Variants in SAXO1 observed in about 807,000 individuals in gnomAD.
SAXO1 encodes 4930500O09Rik.
SAXO1 carries 21 observed loss-of-function variants against 17.5 expected under a neutral mutation model. The ratio of observed to expected loss-of-function variants is 1.20; its 90% CI spans 0.85 to 1.72. The LOEUF is 1.72. Ranked by LOEUF, SAXO1 falls within the 40% of genes most tolerant of loss-of-function variation. The pLI is 0.00. For missense variants in SAXO1, 843 were observed against 596.0 expected (o/e 1.41, Z -4.32); for synonymous variants, 274 against 216.5 (o/e 1.27, Z -2.33).
At chr9:19,002,846 C>T (rs568088345) in intron 1 of SAXO1, among the ~76,000 whole-genome samples, 1 of 152,326 alleles carries the variant, frequency 6.6e-6, no homozygotes, top group East Asian at 1.9e-4. Context: ...GACAAGGATG[C>T]CTTCTCTCAC....
upstream of SAXO1, among the ~76,000 whole-genome samples, chr9:19,036,565 G>A (rs1477288569): frequency 6.6e-6 from 1 of 152,300 alleles, no homozygotes; most frequent in African/African-American, 2.4e-5. Context: ...CCAACATAGA[G>A]CTTGGGCCAT....
intron 1 of SAXO1, among the ~76,000 whole-genome samples, chr9:18,986,057 T>C (rs899789859): frequency 4.6e-5 from 7 of 152,240 alleles, no homozygotes; most frequent in African/African-American, 1.7e-4. Context: ...CACACATGAT[T>C]GCACTTTCAT....
rs574428380 is a variant in SAXO1, at chr9:19,021,986, C to T, written c.38+10885G>A. Among the ~76,000 whole-genome samples, 7 of 152,320 alleles carry T rather than the reference C, an allele frequency of 4.6e-5. No homozygotes were observed. In the South Asian group the frequency reaches 1.0e-3, roughly 23 times the overall value. Reference sequence around the variant, plus strand: ...ACCTGCTCAGCAGTGGCAACTGGGTCGGGTCCCCTTCCCCATTGTGGAAGC... The same window carrying T: ...ACCTGCTCAGCAGTGGCAACTGGGTTGGGTCCCCTTCCCCATTGTGGAAGC... On this transcript the variant is annotated intron_variant, in intron 1 of 3. Transcript: ENST00000380534.
chr9:18,938,828 G>GTGTGTGTGTGTGTGTGTA (rs1831418309), intron 3 of SAXO1, among the ~76,000 whole-genome samples: 1 of 114,034 alleles, frequency 8.8e-6, no homozygotes, highest in African/African-American at 3.4e-5. Flanking sequence ...GTGCGTGTGT[G>GTGTGTGTGTGTGTGTGTA]TGTGTGTGTG....
At chr9:19,044,383 G>A (rs1836151778) in intron 1 of SAXO1, among the ~76,000 whole-genome samples, 1 of 152,110 alleles carries the variant, frequency 6.6e-6, no homozygotes, top group African/African-American at 2.4e-5. Context: ...TTTAGATTAA[G>A]ATCTCTCCTA....
intron 1 of SAXO1, among the ~76,000 whole-genome samples, chr9:19,009,082 C>T (rs928389686): frequency 6.6e-6 from 1 of 152,006 alleles, no homozygotes; most frequent in African/African-American, 2.4e-5. Context: ...TTAATCAGTA[C>T]CCCCACACAG....
chr9:18,984,814 G>T (rs752482187), intron 1 of SAXO1, among the ~76,000 whole-genome samples: 2 of 152,140 alleles, frequency 1.3e-5, no homozygotes, highest in Non-Finnish European at 2.9e-5. Context: ...TTTCTTTCAA[G>T]AACTTTTCCT....
At chr9:18,940,280 G>C (rs1251858343) in intron 3 of SAXO1, among the ~76,000 whole-genome samples, 1 of 152,178 alleles carries the variant, frequency 6.6e-6, no homozygotes, top group African/African-American at 2.4e-5. Flanking sequence ...TTCAGGGTAT[G>C]ATAACATTCA....
rs138851781 is a variant in SAXO1 at position 19,030,699 on chromosome 9, A to C, written c.38+2172T>G. ...ACAGAGTAAGACTCCATCTCAAAAA[A>C]ATAAAAAAAATAAAAAAATAAGAAG... On this transcript the variant is annotated intron_variant, in intron 1 of 3. Transcript: ENST00000380534. Among the ~76,000 whole-genome samples, 42 of 152,216 alleles carry C rather than the reference A, an allele frequency of 2.8e-4. No individual in the cohort carries two copies. The East Asian group carries it at 6.2e-3, about 22-fold the overall frequency.
At chr9:18,959,673 A>G (rs1320120716) in intron 1 of SAXO1, among the ~76,000 whole-genome samples, 2 of 151,892 alleles carry the variant, frequency 1.3e-5, no homozygotes, top group Non-Finnish European at 2.9e-5. Context: ...TGCGAGGCTG[A>G]GGCAGGAGAA....
chr9:19,003,878 G>C (rs1234579882), intron 1 of SAXO1, among the ~76,000 whole-genome samples: 1 of 152,096 alleles, frequency 6.6e-6, no homozygotes, highest in Non-Finnish European at 1.5e-5. Context: ...GGCAACAAAA[G>C]CCAAAATAGA....
chr9:18,968,232 A>G (rs1563951053), intron 1 of SAXO1, among the ~76,000 whole-genome samples: 1 of 152,084 alleles, frequency 6.6e-6, no homozygotes, highest in Non-Finnish European at 1.5e-5. Flanking sequence ...ATTTGTAGAG[A>G]TGAGGTTTCC....
chr9:18,961,483 C>G (rs1832480874), intron 1 of SAXO1, among the ~76,000 whole-genome samples: 1 of 152,024 alleles, frequency 6.6e-6, no homozygotes, highest in Non-Finnish European at 1.5e-5. Flanking sequence ...TGCTATCCCT[C>G]CCCTTGCCCC....
chr9:19,038,374 T>C (rs1222914464), intron 1 of SAXO1, among the ~76,000 whole-genome samples: 4 of 151,856 alleles, frequency 2.6e-5, no homozygotes, highest in Admixed American at 1.3e-4. Context: ...CCAACAATGA[T>C]AGACTGGATT....
At chr9:19,001,419 G>C (rs1310528501) in intron 1 of SAXO1, among the ~76,000 whole-genome samples, 1 of 152,136 alleles carries the variant, frequency 6.6e-6, no homozygotes, top group Non-Finnish European at 1.5e-5. Flanking sequence ...TGTAATCCCA[G>C]CACTTTGGGA....
At chr9:18,981,062 G>A (rs1833366894) in intron 1 of SAXO1, among the ~76,000 whole-genome samples, 1 of 152,226 alleles carries the variant, frequency 6.6e-6, no homozygotes, top group Admixed American at 6.5e-5. Flanking sequence ...CAAAGCAGGT[G>A]TAAAGTGTTA....
At chr9:18,943,576 AG>A (rs540348824) in intron 2 of SAXO1, among the ~76,000 whole-genome samples, 193 of 152,372 alleles carry the variant, frequency 1.3e-3, no homozygotes, top group African/African-American at 4.5e-3. Flanking sequence ...ACTCTTGGTC[AG>A]AAAGTGTACA....
At chr9:19,048,716 C>T (rs553116853) in intron 1 of SAXO1, among the ~76,000 whole-genome samples, 1 of 152,330 alleles carries the variant, frequency 6.6e-6, no homozygotes, top group African/African-American at 2.4e-5. Context: ...ACCTCTCTAA[C>T]CTTTGATTCC....
At chr9:18,975,879 G>A (rs1174117732) in intron 1 of SAXO1, among the ~76,000 whole-genome samples, 1 of 94,890 alleles carries the variant, frequency 1.1e-5, no homozygotes, top group Non-Finnish European at 3.1e-5. Flanking sequence ...CAGCTGAAGT[G>A]GAGCAGACAG....
Sources: allele counts gnomAD v4.1 joint callset (sites outside exome capture counted in the v4.1 genomes callset), GRCh38; gene constraint gnomAD v4.1.1; transcripts MANE v1.5; gene names NCBI Gene and HGNC (gene_info 2026-07-23, HGNC 2026-07-21).